FHIT: variants seen among roughly 807,000 people sequenced by gnomAD.
FHIT encodes the protein bis(5'-adenosyl)-triphosphatase.
In FHIT, 19 loss-of-function variants were observed where a neutral mutation model predicts 17.9. The ratio of observed to expected loss-of-function variants is 1.06; its 90% CI spans 0.74 to 1.56. The LOEUF is 1.56. Among genes scored for constraint, FHIT ranks in the 40% most tolerant of loss-of-function variants. The pLI, the probability that FHIT is intolerant of heterozygous loss-of-function variation, is 0.00. For missense variants in FHIT, 248 were observed against 189.2 expected, an observed-to-expected ratio of 1.31 and a Z score of -1.82; for synonymous variants, 81 against 69.7, an observed-to-expected ratio of 1.16 and a Z score of -0.81.
chr3:60,158,397 C>T (rs1210105617), intron 5 of FHIT, among the ~76,000 whole-genome samples: 3 of 152,168 alleles, frequency 2.0e-5, no homozygotes, highest in Non-Finnish European at 2.9e-5. Flanking sequence ...CTGCAACCTC[C>T]GCTTCCAGGG....
At chr3:60,065,719 G>A (rs888129888) in intron 5 of FHIT, among the ~76,000 whole-genome samples, 1 of 152,150 alleles carries the variant, frequency 6.6e-6, no homozygotes. Flanking sequence ...AGGAAACTCT[G>A]CTCAGTTTGC....
chr3:60,140,789 G>A (rs899161192), intron 5 of FHIT, among the ~76,000 whole-genome samples: 7 of 151,972 alleles, frequency 4.6e-5, no homozygotes, highest in Non-Finnish European at 8.8e-5. Flanking sequence ...TGTTGATCAG[G>A]CTGGTTTCGA....
At chr3:60,334,378 ACTAATAATACAAGAGTCT>A (rs1710134458) in intron 5 of FHIT, among the ~76,000 whole-genome samples, 1 of 152,186 alleles carries the variant, frequency 6.6e-6, no homozygotes, top group Non-Finnish European at 1.5e-5. Context: ...TCAGGACTCA[ACTAATAATACAAGAGTCT>A]CTAGACTTTA....
At chr3:59,844,832 G>A (rs1283467779) in intron 8 of FHIT, among the ~76,000 whole-genome samples, 1 of 152,142 alleles carries the variant, frequency 6.6e-6, no homozygotes, top group Non-Finnish European at 1.5e-5. Context: ...ATGAGGAAGT[G>A]TTCCCTTTTA....
chr3:60,607,591 G>A (rs992252402), intron 4 of FHIT, among the ~76,000 whole-genome samples: 12 of 151,932 alleles, frequency 7.9e-5, no homozygotes, highest in African/African-American at 1.9e-4. Flanking sequence ...CTGAGTTCAC[G>A]TTTCTAGTAT....
intron 8 of FHIT, among the ~76,000 whole-genome samples, chr3:59,912,631 C>T (rs1210272703): frequency 1.3e-5 from 2 of 152,086 alleles, no homozygotes; most frequent in Admixed American, 6.5e-5. Flanking sequence ...TTTGACCTAA[C>T]TGTGCAATGT....
At chr3:59,893,985 C>G (rs776248926) in intron 8 of FHIT, among the ~76,000 whole-genome samples, 1 of 152,124 alleles carries the variant, frequency 6.6e-6, no homozygotes, top group African/African-American at 2.4e-5. Context: ...TGGATTCCAG[C>G]AGGGAGCAGT....
At chr3:60,719,844 C>A (rs2041769934) in intron 4 of FHIT, among the ~76,000 whole-genome samples, 1 of 152,148 alleles carries the variant, frequency 6.6e-6, no homozygotes, top group African/African-American at 2.4e-5. Flanking sequence ...ATATCCTTAC[C>A]TGTCTCTTTC....
intron 1 of FHIT, among the ~76,000 whole-genome samples, chr3:61,232,945 A>T (rs1469687124): frequency 6.6e-6 from 1 of 152,244 alleles, no homozygotes. Flanking sequence ...AGGAAGGAAA[A>T]TAACGTACAT....
intron 3 of FHIT, among the ~76,000 whole-genome samples, chr3:61,020,224 G>A (rs777332088): frequency 9.2e-5 from 14 of 152,092 alleles, no homozygotes; most frequent in Admixed American, 2.0e-4. Context: ...TTTAATGATC[G>A]CCATTCTAAC....
Position 60,425,508 on chromosome 3 carries a change from A to G in FHIT, c.103+111352T>C, listed in dbSNP as rs183991361. 8.1e-4 allele frequency among the ~76,000 whole-genome samples: 123 copies of G among 152,210 alleles called. 1 individual carries two copies. Among genetic ancestry groups the G allele is most frequent in the South Asian group, 5.4e-3 (26 of 4,824 alleles). Reference sequence around the variant, plus strand: ...GATACACAATTTAACTATATAGCCAACCTGCACATGTACCCCTGAACCTAG... The same window carrying G: ...GATACACAATTTAACTATATAGCCAGCCTGCACATGTACCCCTGAACCTAG... On this transcript the variant is annotated intron_variant, in intron 5 of 9. Coordinates refer to ENST00000492590, the MANE Select transcript of FHIT (RefSeq NM_002012.4).
intron 5 of FHIT, among the ~76,000 whole-genome samples, chr3:60,233,570 TTC>T (rs530497316): frequency 1.9e-3 from 286 of 152,240 alleles, no homozygotes; most frequent in Non-Finnish European, 3.4e-3. Context: ...TCTACCTATT[TTC>T]TTTCATTATT....
In FHIT at chr3:60,380,953, C is replaced by T. The variant is rs185182748; in HGVS notation, c.103+155907G>A. Among the ~76,000 whole-genome samples, 232 of 140,536 alleles carry T rather than the reference C, an allele frequency of 1.7e-3. 1 individual carries two copies. The highest frequency in any genetic ancestry group is 5.7e-3 in the African/African-American group (220 of 38,668). The allele number at this position is 140,536 out of a possible 152,430, so 92.2% of individuals were successfully genotyped here. On this transcript the variant is annotated intron_variant, in intron 5 of 9. Coordinates refer to ENST00000492590, the MANE Select transcript of FHIT (RefSeq NM_002012.4). ...TCCACTATGCGAACATCATGGCAAC[C>T]GCGTAACAAAAAAGCCACACAGAGT...
chr3:60,875,516 A>G (rs1483669522), intron 3 of FHIT, among the ~76,000 whole-genome samples: 1 of 152,104 alleles, frequency 6.6e-6, no homozygotes, highest in Non-Finnish European at 1.5e-5. Context: ...GCATGCAGGG[A>G]CCTTTAATTT....
At chr3:60,450,944 A>G (rs1386615900) in intron 5 of FHIT, among the ~76,000 whole-genome samples, 2 of 152,188 alleles carry the variant, frequency 1.3e-5, no homozygotes, top group African/African-American at 2.4e-5. Flanking sequence ...AGTGAGAGAT[A>G]TAAGCAGATA....
intron 5 of FHIT, among the ~76,000 whole-genome samples, chr3:60,490,637 G>C (rs2034023601): frequency 6.8e-6 from 1 of 147,472 alleles, no homozygotes. Flanking sequence ...GATTCAGGCA[G>C]TAATTTCATT....
At chr3:60,897,152 A>C (rs1384902923) in intron 3 of FHIT, among the ~76,000 whole-genome samples, 14 of 152,150 alleles carry the variant, frequency 9.2e-5, no homozygotes, top group Admixed American at 6.5e-4. Flanking sequence ...ATTTTACAGC[A>C]CACTACTGCA....
chr3:59,915,254 C>G (rs1276386219), intron 8 of FHIT, among the ~76,000 whole-genome samples: 5 of 152,156 alleles, frequency 3.3e-5, no homozygotes, highest in Non-Finnish European at 7.4e-5. Flanking sequence ...CACAAGAAAG[C>G]CTGATTCGTG....
At chr3:59,782,447 C>T (rs902722125) in intron 8 of FHIT, among the ~76,000 whole-genome samples, 1 of 152,196 alleles carries the variant, frequency 6.6e-6, no homozygotes, top group Non-Finnish European at 1.5e-5. Context: ...AAGAGAAACT[C>T]AGTGCTCATC....
Sources: gnomAD v4.1 joint callset for allele counts (sites outside exome capture counted in the v4.1 genomes callset) on GRCh38, gnomAD v4.1.1 for gene constraint, MANE v1.5 for transcripts, NCBI Gene and HGNC (gene_info 2026-07-23, HGNC 2026-07-21) for gene names.